The following SLC30A8 variants were observed in gnomAD, a reference collection of about 807,000 sequenced individuals.
SLC30A8 encodes the protein solute carrier family 30 member 8.
Under a neutral mutation model 36.9 loss-of-function variants are expected in SLC30A8, and 27 were observed. The ratio of observed to expected loss-of-function variants is 0.73; its 90% CI spans 0.54 to 1.01. The LOEUF is 1.01. Ranked by LOEUF, SLC30A8 falls within the 50% of genes least tolerant of loss-of-function variation. SLC30A8 has a pLI of 0.00. For missense variants in SLC30A8, 439 were observed against 452.0 expected, an observed-to-expected ratio of 0.97 and a Z score of 0.26; for synonymous variants, 164 against 172.4, an observed-to-expected ratio of 0.95 and a Z score of 0.38.
At chr8:117,138,274 C>T (rs1194617133) in intron 1 of SLC30A8, among the ~76,000 whole-genome samples, 1 of 151,526 alleles carries the variant, frequency 6.6e-6, no homozygotes, top group Non-Finnish European at 1.5e-5. Flanking sequence ...TATTTAACTG[C>T]TAAAAATTAT....
chr8:117,057,670 T>C (rs1817913475), intron 2 of SLC30A8, among the ~76,000 whole-genome samples: 1 of 152,184 alleles, frequency 6.6e-6, no homozygotes, highest in Non-Finnish European at 1.5e-5. Flanking sequence ...CCTCCAGGTT[T>C]ATCCATGTTG....
intron 2 of SLC30A8, among the ~76,000 whole-genome samples, chr8:117,129,385 T>A (rs1821042580): frequency 6.6e-6 from 1 of 152,060 alleles, no homozygotes; most frequent in African/African-American, 2.4e-5. Context: ...CATATAATGA[T>A]GATTCTAAGA....
intron 2 of SLC30A8, among the ~76,000 whole-genome samples, chr8:117,113,291 T>G (rs2130883563): frequency 6.6e-6 from 1 of 152,306 alleles, no homozygotes; most frequent in South Asian, 2.1e-4. Context: ...TTTAGAAGAC[T>G]GACTGATACT....
At chr8:116,979,523 G>A (rs983747346) in intron 1 of SLC30A8, among the ~76,000 whole-genome samples, 2 of 152,174 alleles carry the variant, frequency 1.3e-5, no homozygotes, top group South Asian at 2.1e-4. Flanking sequence ...GAATCTTTGG[G>A]TACTGGTGGT....
intron 2 of SLC30A8, among the ~76,000 whole-genome samples, chr8:117,050,718 A>G (rs886277934): frequency 6.6e-6 from 1 of 152,032 alleles, no homozygotes; most frequent in Non-Finnish European, 1.5e-5. Context: ...CTGATTTTTT[A>G]CTAGAGGAAT....
chr8:117,019,952 A>G (rs1816648215), intron 1 of SLC30A8, among the ~76,000 whole-genome samples: 1 of 152,210 alleles, frequency 6.6e-6, no homozygotes, highest in Non-Finnish European at 1.5e-5. Flanking sequence ...TAGGACAACA[A>G]CACTTTCAGA....
chr8:117,040,183 G>A (rs530058634), intron 2 of SLC30A8, among the ~76,000 whole-genome samples: 1 of 152,314 alleles, frequency 6.6e-6, no homozygotes, highest in East Asian at 1.9e-4. Context: ...ATACAGAGGA[G>A]CTCTTAGATA....
chr8:117,162,879 T>A (rs1380985031), intron 5 of SLC30A8, among the ~76,000 whole-genome samples: 1 of 152,200 alleles, frequency 6.6e-6, no homozygotes, highest in Non-Finnish European at 1.5e-5. Context: ...GGATGATACT[T>A]TGGTTCACAC....
intron 1 of SLC30A8, among the ~76,000 whole-genome samples, chr8:117,021,541 A>G (rs145103736): frequency 6.6e-6 from 1 of 152,310 alleles, no homozygotes; most frequent in East Asian, 1.9e-4. Flanking sequence ...AGAGGATCCT[A>G]TAATGTAAAG....
intron 2 of SLC30A8, among the ~76,000 whole-genome samples, chr8:117,082,577 A>T (rs1857810): frequency 0.094 from 14,290 of 152,150 alleles, 1,090 homozygotes; most frequent in African/African-American, 0.21. Flanking sequence ...AAGGATATTG[A>T]TCATGATGAT....
chr8:117,118,771 T>C (rs1024771852), intron 2 of SLC30A8, among the ~76,000 whole-genome samples: 1 of 152,018 alleles, frequency 6.6e-6, no homozygotes, highest in Non-Finnish European at 1.5e-5. Context: ...ATCATTATTA[T>C]CTTTTGATGT....
chr8:117,164,885 A>G (rs1008103381), intron 6 of SLC30A8, among the ~76,000 whole-genome samples: 35 of 152,070 alleles, frequency 2.3e-4, no homozygotes, highest in African/African-American at 8.5e-4. Context: ...GAGTCTTCCA[A>G]CTGTCCAGGA....
intron 1 of SLC30A8, among the ~76,000 whole-genome samples, chr8:116,956,041 T>C (rs1376344635): frequency 2.0e-5 from 3 of 152,154 alleles, no homozygotes; most frequent in Non-Finnish European, 4.4e-5. Flanking sequence ...TTAGTTGAGG[T>C]TGGTGATCAT....
chr8:117,118,524 T>C lies in SLC30A8; in HGVS notation c.-225-16756T>C, dbSNP rs555659156. ...TGAACTAATCTAAATTAAAATCTTC[T>C]AAGATCAATAGCTCATTTTTTTTTT... On this transcript the variant is annotated intron_variant, in intron 2 of 10. Transcript: ENST00000427715. Among the ~76,000 whole-genome samples the C allele has an allele frequency of 7.1e-4, 108 of 152,022 alleles. 1 individual carries two copies. Among genetic ancestry groups the C allele is most frequent in the South Asian group, 2.9e-3 (14 of 4,812 alleles).
intron 2 of SLC30A8, among the ~76,000 whole-genome samples, chr8:117,122,830 A>G (rs1820743329): frequency 6.6e-6 from 1 of 151,908 alleles, no homozygotes; most frequent in African/African-American, 2.4e-5. Context: ...TTCCACAGAG[A>G]ACCACAGTCT....
chr8:117,122,617 G>A (rs545056641), intron 2 of SLC30A8, among the ~76,000 whole-genome samples: 1 of 152,098 alleles, frequency 6.6e-6, no homozygotes, highest in South Asian at 2.1e-4. Flanking sequence ...TGTGGCCCCA[G>A]ATGAATGCAC....
chr8:117,095,774 GAT>G (rs774725656), intron 2 of SLC30A8, among the ~76,000 whole-genome samples: 8 of 152,196 alleles, frequency 5.3e-5, no homozygotes, highest in Non-Finnish European at 1.0e-4. Flanking sequence ...ATGCAAAACA[GAT>G]AGTTTCAGCC....
intron 3 of SLC30A8, among the ~76,000 whole-genome samples, chr8:117,153,723 G>GGTGGGGGT (rs1554591090): frequency 3.4e-5 from 5 of 146,910 alleles, no homozygotes; most frequent in African/African-American, 1.3e-4. Flanking sequence ...CATGATAAGG[G>GGTGGGGGT]GTGTGTGTGT....
At chr8:117,022,599 C>A (rs1816736115) in intron 1 of SLC30A8, among the ~76,000 whole-genome samples, 3 of 152,144 alleles carry the variant, frequency 2.0e-5, no homozygotes, top group African/African-American at 7.2e-5. Flanking sequence ...TGATCTTTGA[C>A]AAACCTGACA....
Sources: allele counts gnomAD v4.1 joint callset (sites outside exome capture counted in the v4.1 genomes callset), GRCh38; gene constraint gnomAD v4.1.1; transcripts MANE v1.5; gene names NCBI Gene and HGNC (gene_info 2026-07-23, HGNC 2026-07-21).